BEST1: variants seen among roughly 807,000 people sequenced by gnomAD.
BEST1 encodes the protein bestrophin-1.
A neutral mutation model predicts 63.3 loss-of-function variants in BEST1; 58 were observed. The observed-to-expected ratio is 0.92, with a 90% confidence interval of 0.74 to 1.14. BEST1 has a LOEUF of 1.14. BEST1 is among the 50% of genes most tolerant of loss of function. The pLI is 0.00. For synonymous variants in BEST1, 283 were observed against 291.6 expected (o/e 0.97, Z 0.30); for missense variants, 671 against 740.1 (o/e 0.91, Z 1.08).
chr11:61,951,733 A>AT, intron 1 of BEST1, 38 bp from the exon 2 acceptor site: 1 of 1,590,078 alleles, frequency 6.3e-7, no homozygotes. Context: ...AGGGCCTCTG[A>AT]TCCCTACAAA....
At position 61,955,906 on chromosome 11, in the gene BEST1, G is replaced by A. The variant is rs1237501081; in HGVS notation, c.436G>A (p.Ala146Thr). 14 of 1,550,334 alleles carry A rather than the reference G, an allele frequency of 9.0e-6. No homozygotes were observed. Among genetic ancestry groups the A allele is most frequent in the Admixed American group, 2.0e-5 (1 of 51,008 alleles). The change falls in exon 4 of 11, where the codon GCA becomes ACA. Residue 146 changes from alanine (A) to threonine (T), a missense_variant. Coordinates refer to ENST00000378043, the MANE Select transcript of BEST1 (RefSeq NM_004183.4). Reference sequence around the variant, plus strand: ...GCTCATCCTGCGCAGCGTCAGCACCGCAGTCTACAAGCGCTTCCCCAGCGC... The same window carrying A: ...GCTCATCCTGCGCAGCGTCAGCACCACAGTCTACAAGCGCTTCCCCAGCGC... ...NVLILRSVST[A>T]VYKRFPSAQH...
intron 9 of BEST1, 109 bp downstream of exon 9, chr11:61,960,152 C>A: frequency 7.1e-7 from 1 of 1,407,658 alleles, no homozygotes; most frequent in South Asian, 1.2e-5. Context: ...CAGTAAGTGT[C>A]AGGCACTGTA....
At chr11:61,958,065 TCA>T in intron 6 of BEST1, 79 bp from the exon 7 acceptor site, 1 of 1,607,594 alleles carries the variant, frequency 6.2e-7, no homozygotes, top group Non-Finnish European at 8.5e-7. Context: ...GTCTCCTGTC[TCA>T]GACTCCCAGC....
chr11:61,955,412 GA>G (rs1428869722), intron 3 of BEST1: 35 of 1,433,678 alleles, frequency 2.4e-5, no homozygotes, highest in Non-Finnish European at 2.9e-5. Flanking sequence ...CGTTAGCAAT[GA>G]AAACCCCATT....
intron 3 of BEST1, 102 bp downstream of exon 3, chr11:61,955,303 G>A (rs1344601129): frequency 3.2e-6 from 5 of 1,584,768 alleles, no homozygotes; most frequent in African/African-American, 1.3e-5. Context: ...CTGGGGAGGG[G>A]GCGGGGGAAC....
In BEST1 at chr11:61,955,698, C is replaced by T. The variant is rs1941242997; in HGVS notation, c.248-20C>T. The T allele has an allele frequency of 1.9e-6, 3 of 1,541,808 alleles. No homozygotes were observed. The highest frequency in any genetic ancestry group is 1.4e-5 in the African/African-American group (1 of 72,836). ...CGCAGCCTGGCCCCTCGCCCCTCGCCCCCCGCCCCTCCTGCCCAGGCTTCT... is the reference window on the plus strand; with the variant it reads ...CGCAGCCTGGCCCCTCGCCCCTCGCTCCCCGCCCCTCCTGCCCAGGCTTCT... On this transcript the variant is annotated intron_variant, in intron 3 of 10. Coordinates refer to ENST00000378043, the MANE Select transcript of BEST1 (RefSeq NM_004183.4).
At chr11:61,961,801 C>G in intron 9 of BEST1, 1 of 202,306 alleles carries the variant, frequency 4.9e-6, no homozygotes, top group East Asian at 1.2e-4. Flanking sequence ...CTGGGGCTCC[C>G]GGGATGCCTG....
Position 61,959,827 on chromosome 11 carries a change from A to G in BEST1, c.949-65A>G, listed in dbSNP as rs777155311. 15 of 1,595,750 alleles carry G rather than the reference A, an allele frequency of 9.4e-6. No individual in the cohort carries two copies. In the South Asian group the frequency reaches 1.5e-4, roughly 16 times the overall value. ...GAGGGAGAGATTCCTCCAAGTCATC[A>G]GGCACATACAAGGTCCTGCCTGGGA... On this transcript the variant is annotated intron_variant, in intron 8 of 10. Transcript: ENST00000378043.
At chr11:61,964,754 G>A (rs111249745), downstream of BEST1, 388 of 1,599,110 alleles carry the variant, frequency 2.4e-4, 2 homozygotes, top group African/African-American at 4.7e-3. Context: ...TGTCTCCCAG[G>A]GTGTGCTTGT....
chr11:61,959,284 G>A, intron 7 of BEST1: 1 of 612,104 alleles, frequency 1.6e-6, no homozygotes, highest in Non-Finnish European at 3.0e-6. Context: ...GTTCAGGGAA[G>A]GACTGGCTCA....
intron 6 of BEST1, among the ~76,000 whole-genome samples, chr11:61,957,945 G>T (rs954195274): frequency 6.6e-6 from 1 of 151,098 alleles, no homozygotes; most frequent in African/African-American, 2.4e-5. Flanking sequence ...CTGCACTCCA[G>T]CCTGGGCGAC....
intron 1 of BEST1, 107 bp from the exon 2 acceptor site, chr11:61,951,664 A>G (rs1288489427): frequency 8.6e-7 from 1 of 1,159,154 alleles, no homozygotes; most frequent in African/African-American, 1.5e-5. Context: ...TCCACCTCCT[A>G]GGGTCCCTAT....
At chr11:61,955,666 C>T (rs1401474678) in intron 3 of BEST1, 52 bp from the exon 4 acceptor site, 2 of 1,519,470 alleles carry the variant, frequency 1.3e-6, no homozygotes, top group African/African-American at 1.4e-5. Flanking sequence ...GGGCCCTGGG[C>T]TCTGGCCGCA....
Position 61,962,745 on chromosome 11 carries a change from C to G in BEST1, c.1591C>G (p.Gln531Glu), listed in dbSNP as rs780992845. ...CTTGATGGAGCACCCAGAAGTATCT[C>G]AAGTGAGGAGGAAAACTGTGGAGTT... Reference protein sequence around the residue: ...GALMEHPEVSQVRRKTVEFNL... With the variant: ...GALMEHPEVSEVRRKTVEFNL... The change falls in exon 10 of 11, where the codon CAA becomes GAA. Residue 531 changes from glutamine to glutamate, a missense_variant. Transcript: ENST00000378043. The G allele has an allele frequency of 3.1e-6, 5 of 1,614,210 alleles. No individual in the cohort carries two copies. Among genetic ancestry groups the G allele is most frequent in the Non-Finnish European group, 4.2e-6 (5 of 1,180,036 alleles).
intron 9 of BEST1, chr11:61,962,003 G>GA (rs1176276990): frequency 1.8e-6 from 1 of 556,054 alleles, no homozygotes; most frequent in Non-Finnish European, 3.2e-6. Context: ...GCCAGGCGGG[G>GA]TGGTTGCGGG....
chr11:61,957,424 A>G lies in BEST1; in HGVS notation c.674A>G (p.Tyr225Cys). ...NTLRTQCGHL[Y>C]AYDWISIPLV... The stretch of plus-strand genomic sequence containing the variant: ...TTGCGTACTCAGTGTGGACACCTGT[A>G]TGCCTACGACTGGATTAGTATCCCA... Residue 225 changes from tyrosine to cysteine, a missense_variant, in exon 6 of 11, where the codon TAT (tyrosine) becomes TGT (cysteine). Physicochemically the swap from Tyr to Cys is radical, Grantham distance 194. Coordinates refer to ENST00000378043, the MANE Select transcript of BEST1 (RefSeq NM_004183.4). 1.9e-6 allele frequency: 3 copies of G among 1,613,950 alleles called. No homozygotes were observed. Among genetic ancestry groups the G allele is most frequent in the Non-Finnish European group, 2.5e-6 (3 of 1,179,934 alleles).
intron 3 of BEST1, chr11:61,955,511 A>AC: frequency 9.4e-7 from 1 of 1,065,434 alleles, no homozygotes; most frequent in Non-Finnish European, 1.3e-6. Flanking sequence ...CAGCAGGGGG[A>AC]CCCCCGGGTG....
In BEST1 at chr11:61,964,187, T is replaced by C. The variant is rs1252706862; in HGVS notation, c.*65T>C. On this transcript the variant is annotated 3_prime_UTR_variant, in exon 11 of 11. Transcript: ENST00000378043. ...ACCTGTGTGTACACCAGCAGGACAC[T>C]GATCCAGTCACAGCCATACAGCTGT... The C allele has an allele frequency of 1.9e-6, 3 of 1,611,400 alleles. No homozygotes were observed. Among genetic ancestry groups the C allele is most frequent in the Non-Finnish European group, 2.5e-6 (3 of 1,179,228 alleles).
intron 3 of BEST1, chr11:61,955,453 C>T (rs951058645): frequency 1.2e-5 from 16 of 1,348,982 alleles, no homozygotes; most frequent in Middle Eastern, 2.7e-4. Context: ...ATCATGGTCC[C>T]TGGAGCCCCT....
Sources: allele counts gnomAD v4.1 joint callset (sites outside exome capture counted in the v4.1 genomes callset), GRCh38; gene constraint gnomAD v4.1.1; transcripts MANE v1.5; gene names NCBI Gene and HGNC (gene_info 2026-07-23, HGNC 2026-07-21).